VEGFC: variants seen among roughly 807,000 people sequenced by gnomAD.
VEGFC encodes the protein FLT4 ligand DHM.
Under a neutral mutation model 46.1 loss-of-function variants are expected in VEGFC, and 12 were observed. That is an observed-to-expected ratio of 0.26 (90% confidence interval 0.17 to 0.42). The LOEUF (loss-of-function observed/expected upper bound fraction) is 0.42, where lower values mean the gene tolerates loss of function less well. VEGFC is among the 10% of genes least tolerant of loss of function. VEGFC has a pLI of 1.00. For missense variants in VEGFC, 488 were observed against 529.4 expected (o/e 0.92, Z 0.77); for synonymous variants, 232 against 195.5 (o/e 1.19, Z -1.56).
chr4:176,739,143 G>T (rs1735111965), intron 1 of VEGFC, among the ~76,000 whole-genome samples: 1 of 151,898 alleles, frequency 6.6e-6, no homozygotes, highest in Non-Finnish European at 1.5e-5. Context: ...TTATTAAGAA[G>T]TCAAAAAACA....
intron 2 of VEGFC, 123 bp downstream of exon 2, chr4:176,729,410 C>T: frequency 1.4e-6 from 1 of 740,570 alleles, no homozygotes; most frequent in Non-Finnish European, 2.1e-6. Flanking sequence ...TCTTTATTTT[C>T]TATTTGCTTT....
chr4:176,762,563 T>C (rs1045537101), intron 1 of VEGFC, among the ~76,000 whole-genome samples: 1 of 152,176 alleles, frequency 6.6e-6, no homozygotes. Context: ...AGGTATTCTG[T>C]CACAGCAGCA....
chr4:176,709,225 T>C (rs1734582395), intron 4 of VEGFC, among the ~76,000 whole-genome samples: 1 of 152,210 alleles, frequency 6.6e-6, no homozygotes, highest in Non-Finnish European at 1.5e-5. Context: ...TTTCCACCTT[T>C]ATCTGTAAAA....
chr4:176,765,549 A>AT (rs1560959779), intron 1 of VEGFC, among the ~76,000 whole-genome samples: 1 of 148,270 alleles, frequency 6.7e-6, no homozygotes, highest in African/African-American at 2.5e-5. Context: ...CCAAAGACAG[A>AT]ATTTTTTTTT....
rs1335682393 is a variant in VEGFC, at chr4:176,729,720, C to G, written c.174G>C (p.Glu58Asp). ...ATAYASKDLE[E>D]QLRSVSSVDE... ...CTACACTGGACACAGACCGTAACTG[C>G]TCCTCCAGATCTTTGCTTGCATAAG... is the stretch of plus-strand genomic sequence containing the variant. The change falls in exon 2 of 7, where the codon GAG (glutamate) becomes GAC (aspartate). Residue 58 changes from glutamate (E) to aspartate (D), a missense_variant. Physicochemically the swap from Glu to Asp is conservative, Grantham distance 45. Transcript: ENST00000618562. 1 of 1,603,946 alleles carries G rather than the reference C, an allele frequency of 6.2e-7. No homozygotes were observed. The highest frequency in any genetic ancestry group is 1.1e-5 in the South Asian group (1 of 89,492).
chr4:176,729,071 C>A (rs1734919414), intron 2 of VEGFC, among the ~76,000 whole-genome samples: 1 of 152,146 alleles, frequency 6.6e-6, no homozygotes, highest in South Asian at 2.1e-4. Context: ...ATGCTAGATA[C>A]CTCATCAGCT....
intron 4 of VEGFC, among the ~76,000 whole-genome samples, chr4:176,696,559 C>T (rs1734317411): frequency 6.7e-6 from 1 of 150,166 alleles, no homozygotes; most frequent in Middle Eastern, 3.2e-3. Flanking sequence ...GCCATACTGC[C>T]CAAGGTAATT....
intron 1 of VEGFC, among the ~76,000 whole-genome samples, chr4:176,775,765 G>C (rs1486256588): frequency 2.0e-5 from 3 of 152,036 alleles, no homozygotes; most frequent in Non-Finnish European, 4.4e-5. Flanking sequence ...TTTCTTGTTT[G>C]CATTTGTTTT....
intron 1 of VEGFC, among the ~76,000 whole-genome samples, chr4:176,747,564 G>A (rs1735277814): frequency 6.6e-6 from 1 of 152,054 alleles, no homozygotes; most frequent in African/African-American, 2.4e-5. Flanking sequence ...AGGCCAAGCT[G>A]GAGGACTGCT....
chr4:176,687,577 G>T, intron 5 of VEGFC, 57 bp from the exon 6 acceptor site: 2 of 1,438,630 alleles, frequency 1.4e-6, no homozygotes, highest in Non-Finnish European at 9.2e-7. Flanking sequence ...GGTGTGGCAT[G>T]AAACAAAAGC....
intron 1 of VEGFC, among the ~76,000 whole-genome samples, chr4:176,791,076 A>G (rs1345783415): frequency 1.3e-5 from 2 of 152,222 alleles, no homozygotes; most frequent in Non-Finnish European, 2.9e-5. Context: ...TTCAAAATAT[A>G]AATATAAATA....
At chr4:176,782,407 C>G (rs1436310437) in intron 1 of VEGFC, among the ~76,000 whole-genome samples, 3 of 150,596 alleles carry the variant, frequency 2.0e-5, no homozygotes, top group Non-Finnish European at 4.4e-5. Context: ...GAGGCTGCAA[C>G]GAGCCACGTT....
Position 176,730,704 on chromosome 4 carries a change from A to T in VEGFC, c.148-958T>A, listed in dbSNP as rs114210142. On this transcript the variant is annotated intron_variant, in intron 1 of 6. Coordinates refer to ENST00000618562, the MANE Select transcript of VEGFC (RefSeq NM_005429.5). ...CACCTCTCCATGGTTTCTTGGGTGG[A>T]TCAAGAACCTACATTTTAACAGATT... Among the ~76,000 whole-genome samples the T allele has an allele frequency of 1.6e-3, 248 of 152,242 alleles. 1 individual carries two copies. Among genetic ancestry groups the T allele is most frequent in the African/African-American group, 5.8e-3 (243 of 41,566 alleles).
chr4:176,722,740 T>G (rs569542841), intron 3 of VEGFC, among the ~76,000 whole-genome samples: 2 of 152,194 alleles, frequency 1.3e-5, no homozygotes, highest in African/African-American at 4.8e-5. Context: ...GCTCAAGAGA[T>G]CTGCCTGTCT....
intron 1 of VEGFC, among the ~76,000 whole-genome samples, chr4:176,740,480 T>G (rs1480997602): frequency 8.7e-6 from 1 of 115,348 alleles, no homozygotes; most frequent in Non-Finnish European, 1.8e-5. Context: ...ATATATTCTA[T>G]ATATAGAGAG....
At chr4:176,787,322 T>A (rs772542738) in intron 1 of VEGFC, among the ~76,000 whole-genome samples, 5 of 151,906 alleles carry the variant, frequency 3.3e-5, no homozygotes, top group African/African-American at 4.8e-5. Flanking sequence ...CCTGCTCTAG[T>A]GGCACATGCC....
chr4:176,746,606 T>A (rs1322150415), intron 1 of VEGFC, among the ~76,000 whole-genome samples: 2 of 152,152 alleles, frequency 1.3e-5, no homozygotes, highest in East Asian at 3.9e-4. Context: ...TTTATTGATG[T>A]GTCTTCTCTC....
chr4:176,706,625 C>CAAAAAAAAAAAA (rs55996370), intron 4 of VEGFC, among the ~76,000 whole-genome samples: 1 of 63,448 alleles, frequency 1.6e-5, no homozygotes, highest in African/African-American at 8.2e-5. Flanking sequence ...GAATCTGTCT[C>CAAAAAAAAAAAA]AAAAAAAAAA....
chr4:176,711,486 A>T lies in VEGFC; in HGVS notation c.704+13T>A. 6.3e-7 allele frequency: 1 copy of T among 1,599,680 alleles called. No individual in the cohort carries two copies. The highest frequency in any genetic ancestry group is 1.3e-5 in the African/African-American group (1 of 74,428). On this transcript the variant is annotated intron_variant, in intron 4 of 6. Coordinates refer to ENST00000618562, the MANE Select transcript of VEGFC (RefSeq NM_005429.5). ...TAGAGGATGCAGAAAAAATAGATTTAATTCATACTCACTGTGGTAGTGTTG... is the reference window on the plus strand; with the variant it reads ...TAGAGGATGCAGAAAAAATAGATTTTATTCATACTCACTGTGGTAGTGTTG...
Sources: allele counts gnomAD v4.1 joint callset (sites outside exome capture counted in the v4.1 genomes callset), GRCh38; gene constraint gnomAD v4.1.1; transcripts MANE v1.5; gene names NCBI Gene and HGNC (gene_info 2026-07-23, HGNC 2026-07-21).